Variants in FERMT2 observed in about 807,000 individuals in gnomAD.
FERMT2 encodes the protein fermitin family homolog 2.
A neutral mutation model predicts 82.7 loss-of-function variants in FERMT2; 15 were observed. That is an observed-to-expected ratio of 0.18 (90% CI 0.12 to 0.28). The LOEUF (loss-of-function observed/expected upper bound fraction) is 0.28. Ranked by LOEUF, FERMT2 falls within the 10% of genes least tolerant of loss-of-function variation. FERMT2 has a pLI of 1.00. For missense variants in FERMT2, 645 were observed against 809.4 expected, an observed-to-expected ratio of 0.80 and a Z score of 2.46; for synonymous variants, 274 against 271.5, an observed-to-expected ratio of 1.01 and a Z score of -0.09.
intron 3 of FERMT2, among the ~76,000 whole-genome samples, chr14:52,911,862 C>T (rs948266904): frequency 7.2e-5 from 11 of 151,988 alleles, no homozygotes; most frequent in Admixed American, 1.3e-4. Flanking sequence ...GACCAATTAG[C>T]TGTTTTCTTA....
chr14:52,869,451 C>T (rs1248483999), intron 10 of FERMT2, among the ~76,000 whole-genome samples: 1 of 152,160 alleles, frequency 6.6e-6, no homozygotes, highest in Non-Finnish European at 1.5e-5. Flanking sequence ...TCACGCATTG[C>T]ATAACAGCAT....
At chr14:52,906,321 A>G (rs1479761263) in intron 3 of FERMT2, among the ~76,000 whole-genome samples, 1 of 152,246 alleles carries the variant, frequency 6.6e-6, no homozygotes, top group Non-Finnish European at 1.5e-5. Context: ...GGAGAACAGA[A>G]AGACAGAGTA....
intron 4 of FERMT2, among the ~76,000 whole-genome samples, chr14:52,888,819 G>C (rs1886757386): frequency 1.3e-5 from 2 of 152,170 alleles, no homozygotes; most frequent in African/African-American, 4.8e-5. Context: ...TACTCATGTA[G>C]AGTACAGTAT....
chr14:52,896,181 G>A (rs908995128), intron 3 of FERMT2, among the ~76,000 whole-genome samples: 17 of 152,238 alleles, frequency 1.1e-4, no homozygotes, highest in South Asian at 2.1e-4. Context: ...GTGGTTCATC[G>A]TTGACCAAAA....
chr14:52,897,842 G>A (rs1165477307), intron 3 of FERMT2, among the ~76,000 whole-genome samples: 1 of 152,036 alleles, frequency 6.6e-6, no homozygotes, highest in Non-Finnish European at 1.5e-5. Context: ...TGGGCATGGT[G>A]GCGCATGCCT....
At chr14:52,916,099 T>G in intron 3 of FERMT2, among the ~76,000 whole-genome samples, 1 of 152,128 alleles carries the variant, frequency 6.6e-6, no homozygotes, top group East Asian at 1.9e-4. Context: ...ATCCCAGCAC[T>G]TTGGGAGGCG....
chr14:52,876,771 T>C (rs74716810), intron 7 of FERMT2, among the ~76,000 whole-genome samples: 12 of 152,304 alleles, frequency 7.9e-5, no homozygotes, highest in Non-Finnish European at 1.6e-4. Context: ...CTTCGGAGTA[T>C]AGGTTCTCTC....
rs1366219003 is a variant in FERMT2, at chr14:52,864,348, C to T, written c.1602+53G>A. On this transcript the variant is annotated intron_variant, in intron 12 of 14. Coordinates refer to ENST00000341590, the MANE Select transcript of FERMT2 (RefSeq NM_006832.3). ...AAGAGGGGAAAAACAAAGTTATGTA[C>T]AAAATTATAAAAACAAACCAGCACA... 2.2e-6 allele frequency: 3 copies of T among 1,392,468 alleles called. No homozygotes were observed. In the African/African-American group the frequency reaches 4.3e-5, roughly 20 times the overall value. 86.3% of individuals were successfully genotyped at this position (1,392,468 alleles called of 1,614,324 possible). A position where few individuals can be genotyped will look rare whatever the true frequency, so the allele number is the denominator to read the frequency against.
At chr14:52,860,114 G>A in intron 13 of FERMT2, 1 of 441,514 alleles carries the variant, frequency 2.3e-6, no homozygotes, top group East Asian at 4.2e-5. Context: ...ACCGTGCCTG[G>A]CCAAGAGTGC....
Position 52,859,659 on chromosome 14 carries a change from G to C in FERMT2, c.1783C>G (p.Arg595Gly). The change falls in exon 14 of 15, where the codon CGG becomes GGG. Residue 595 changes from arginine to glycine, a missense_variant. Arg to Gly is a moderately radical substitution (Grantham distance 125). Coordinates refer to ENST00000341590, the MANE Select transcript of FERMT2 (RefSeq NM_006832.3). Reference sequence around the variant, plus strand: ...GCATCTCCAGTGCTGGCATCCATCCGAATCAGTCTGTTGTATGCAATTCCA... The same window carrying C: ...GCATCTCCAGTGCTGGCATCCATCCCAATCAGTCTGTTGTATGCAATTCCA... ...LIGIAYNRLI[R>G]MDASTGDAIK... 6.2e-7 allele frequency: 1 copy of C among 1,612,262 alleles called. No homozygotes were observed. The highest frequency in any genetic ancestry group is 8.5e-7 in the Non-Finnish European group (1 of 1,179,066).
intron 3 of FERMT2, among the ~76,000 whole-genome samples, chr14:52,913,068 A>G (rs1048583775): frequency 2.0e-5 from 3 of 152,208 alleles, no homozygotes; most frequent in African/African-American, 7.2e-5. Flanking sequence ...CAAATATTAC[A>G]TATTAAATTG....
At chr14:52,926,379 C>T (rs1039092117) in intron 2 of FERMT2, among the ~76,000 whole-genome samples, 2 of 151,274 alleles carry the variant, frequency 1.3e-5, no homozygotes, top group East Asian at 3.9e-4. Flanking sequence ...GAATGGCAGG[C>T]TTGGTATTTC....
At chr14:52,894,218 C>A (rs776856333) in intron 3 of FERMT2, among the ~76,000 whole-genome samples, 57 of 151,992 alleles carry the variant, frequency 3.8e-4, no homozygotes, top group Non-Finnish European at 6.5e-4. Flanking sequence ...AGTCTGATAA[C>A]AAGGAAAATG....
chr14:52,894,852 A>G (rs1887162272), intron 3 of FERMT2, among the ~76,000 whole-genome samples: 1 of 149,696 alleles, frequency 6.7e-6, no homozygotes, highest in Non-Finnish European at 1.5e-5. Context: ...ACACACAAAA[A>G]AGGAACCACA....
intron 2 of FERMT2, among the ~76,000 whole-genome samples, chr14:52,945,622 AT>A: frequency 6.6e-6 from 1 of 151,950 alleles, no homozygotes; most frequent in East Asian, 1.9e-4. Flanking sequence ...TCCAATTTGC[AT>A]TTTTTTCCCT....
chr14:52,884,528 C>T (rs7145307), intron 4 of FERMT2, among the ~76,000 whole-genome samples: 117,619 of 151,764 alleles, frequency 0.78, 47,899 homozygotes, highest in Non-Finnish European at 0.89. Flanking sequence ...CACTTGAACC[C>T]GGGAGGCGGA....
At chr14:52,929,511 A>C (rs1215911231) in intron 2 of FERMT2, among the ~76,000 whole-genome samples, 1 of 152,108 alleles carries the variant, frequency 6.6e-6, no homozygotes, top group African/African-American at 2.4e-5. Context: ...CCCACACAAT[A>C]CAGCCTATCT....
At chr14:52,888,975 G>A (rs929178167) in intron 4 of FERMT2, among the ~76,000 whole-genome samples, 29 of 152,232 alleles carry the variant, frequency 1.9e-4, no homozygotes, top group African/African-American at 6.7e-4. Flanking sequence ...GTACTCATGA[G>A]GGACAGAAGG....
At chr14:52,918,850 T>C (rs1048606034) in intron 3 of FERMT2, among the ~76,000 whole-genome samples, 5 of 152,192 alleles carry the variant, frequency 3.3e-5, no homozygotes, top group Admixed American at 6.5e-5. Flanking sequence ...CCCCTGAAAA[T>C]AGTGCCTGTT....
Sources: gnomAD v4.1 joint callset for allele counts (sites outside exome capture counted in the v4.1 genomes callset) on GRCh38, gnomAD v4.1.1 for gene constraint, MANE v1.5 for transcripts, NCBI Gene and HGNC (gene_info 2026-07-23, HGNC 2026-07-21) for gene names.